The following SGCG variants were observed in gnomAD, a reference collection of about 807,000 sequenced individuals.
SGCG encodes sarcoglycan gamma.
In SGCG, 26 loss-of-function variants were observed where a neutral mutation model predicts 29.3. The ratio of observed to expected loss-of-function variants is 0.89; its 90% CI spans 0.65 to 1.23. SGCG has a LOEUF of 1.23. SGCG is among the 50% of genes most tolerant of loss of function. The probability of loss-of-function intolerance (pLI) is 0.00; values close to 1 mark genes in which losing one functional copy is unlikely to be tolerated. For missense variants in SGCG, 353 were observed against 356.0 expected (o/e 0.99, Z 0.07); for synonymous variants, 145 against 129.7 (o/e 1.12, Z -0.80).
At chr13:23,185,888 C>T (rs762452611) in intron 1 of SGCG, among the ~76,000 whole-genome samples, 1 of 152,182 alleles carries the variant, frequency 6.6e-6, no homozygotes, top group Admixed American at 6.5e-5. Flanking sequence ...GGGTGATGGG[C>T]GTGACATAGC....
chr13:23,292,296 G>C (rs1301790426), intron 5 of SGCG, among the ~76,000 whole-genome samples: 1 of 152,142 alleles, frequency 6.6e-6, no homozygotes, highest in Non-Finnish European at 1.5e-5. Context: ...TTTTAGTAGA[G>C]ACGGGATTTG....
At chr13:23,292,661 A>G (rs1336885453) in intron 5 of SGCG, among the ~76,000 whole-genome samples, 1 of 98,992 alleles carries the variant, frequency 1.0e-5, no homozygotes, top group Non-Finnish European at 2.2e-5. Context: ...TCATAATATC[A>G]TCTTGTTTAT....
chr13:23,234,323 T>TA (rs968759105), intron 2 of SGCG, among the ~76,000 whole-genome samples: 1 of 152,104 alleles, frequency 6.6e-6, no homozygotes, highest in Non-Finnish European at 1.5e-5. Flanking sequence ...TAATTTAATT[T>TA]TTTTTAAAAA....
At chr13:23,215,102 G>A (rs1404586138) in intron 2 of SGCG, among the ~76,000 whole-genome samples, 1 of 152,010 alleles carries the variant, frequency 6.6e-6, no homozygotes, top group African/African-American at 2.4e-5. Context: ...ACAGCAATTG[G>A]GAAATAAAGA....
intron 1 of SGCG, among the ~76,000 whole-genome samples, chr13:23,201,232 G>A (rs1445334686): frequency 6.6e-6 from 1 of 152,082 alleles, no homozygotes; most frequent in Non-Finnish European, 1.5e-5. Context: ...CGATAAAATT[G>A]TCTTAAATGG....
upstream of SGCG, among the ~76,000 whole-genome samples, chr13:23,180,065 G>A (rs991760047): frequency 5.3e-5 from 8 of 151,926 alleles, no homozygotes; most frequent in Non-Finnish European, 7.4e-5. Context: ...GTATCTGATT[G>A]TTCCCATCTC....
At chr13:23,230,042 TA>T (rs1879048401) in intron 2 of SGCG, among the ~76,000 whole-genome samples, 1 of 152,170 alleles carries the variant, frequency 6.6e-6, no homozygotes, top group Non-Finnish European at 1.5e-5. Context: ...AATAGGCAGT[TA>T]TTTCCCCTTT....
At chr13:23,303,194 C>A (rs996231237) in intron 6 of SGCG, among the ~76,000 whole-genome samples, 5 of 145,004 alleles carry the variant, frequency 3.4e-5, no homozygotes, top group African/African-American at 1.2e-4. Flanking sequence ...GCATGTCTTT[C>A]TTTATAAAGT....
chr13:23,241,208 TAGA>T (rs946304902), intron 3 of SGCG, among the ~76,000 whole-genome samples: 8 of 147,326 alleles, frequency 5.4e-5, no homozygotes, highest in African/African-American at 2.0e-4. Flanking sequence ...CTTAAGAAAC[TAGA>T]AGAAGAACAT....
At chr13:23,281,669 A>C (rs961417389) in intron 5 of SGCG, among the ~76,000 whole-genome samples, 4 of 152,026 alleles carry the variant, frequency 2.6e-5, no homozygotes, top group African/African-American at 7.3e-5. Flanking sequence ...GGATGAAACT[A>C]CTCCACCTCA....
At chr13:23,285,204 C>T (rs1881450841) in intron 5 of SGCG, among the ~76,000 whole-genome samples, 1 of 152,190 alleles carries the variant, frequency 6.6e-6, no homozygotes, top group Non-Finnish European at 1.5e-5. Flanking sequence ...TGAAGCTGCA[C>T]CCACAGCCGC....
chr13:23,211,917 A>G (rs1331705762), intron 2 of SGCG, among the ~76,000 whole-genome samples: 2 of 152,092 alleles, frequency 1.3e-5, no homozygotes, highest in African/African-American at 4.8e-5. Context: ...CCTAGTGTTG[A>G]GGTGCAGCCT....
At chr13:23,198,021 G>A (rs780144381) in intron 1 of SGCG, among the ~76,000 whole-genome samples, 7 of 152,222 alleles carry the variant, frequency 4.6e-5, no homozygotes, top group Non-Finnish European at 7.3e-5. Flanking sequence ...AAGCAAAGTG[G>A]TGGAAATTTG....
At chr13:23,176,854 G>A (rs1260885294), upstream of SGCG, among the ~76,000 whole-genome samples, 1 of 152,036 alleles carries the variant, frequency 6.6e-6, no homozygotes, top group African/African-American at 2.4e-5. Flanking sequence ...GAGGTTTTCT[G>A]TGGTGCCACT....
intron 4 of SGCG, among the ~76,000 whole-genome samples, chr13:23,253,826 C>A (rs1880068842): frequency 6.6e-6 from 1 of 152,144 alleles, no homozygotes; most frequent in African/African-American, 2.4e-5. Flanking sequence ...GTTCACATGA[C>A]ATCTGGTTGT....
At chr13:23,210,973 T>G (rs1349089350) in intron 2 of SGCG, among the ~76,000 whole-genome samples, 2 of 152,064 alleles carry the variant, frequency 1.3e-5, no homozygotes, top group Non-Finnish European at 2.9e-5. Flanking sequence ...AAATACAAAT[T>G]TTTCCCCATC....
intron 1 of SGCG, among the ~76,000 whole-genome samples, chr13:23,196,700 C>T (rs1422358438): frequency 2.0e-5 from 3 of 151,970 alleles, no homozygotes; most frequent in Non-Finnish European, 4.4e-5. Flanking sequence ...AATACTTCTC[C>T]CAATTTATCT....
At chr13:23,243,953 T>C (rs1266731200) in intron 3 of SGCG, 1 of 152,110 alleles carries the variant, frequency 6.6e-6, no homozygotes, top group Non-Finnish European at 1.5e-5. Context: ...GATAGGTCCA[T>C]CTGCTTCCAC....
intron 2 of SGCG, chr13:23,217,377 C>G (rs1046534441): frequency 2.0e-5 from 3 of 151,878 alleles, no homozygotes; most frequent in East Asian, 3.9e-4. Flanking sequence ...TATGCCAGTC[C>G]CCCGATTAAT....
Sources: gnomAD v4.1 joint callset for allele counts (sites outside exome capture counted in the v4.1 genomes callset) on GRCh38, gnomAD v4.1.1 for gene constraint, MANE v1.5 for transcripts, NCBI Gene and HGNC (gene_info 2026-07-23, HGNC 2026-07-21) for gene names.